LDHD: variants seen among roughly 807,000 people sequenced by gnomAD.
The protein encoded by LDHD is D-lactate dehydrogenase, mitochondrial.
A neutral mutation model predicts 52.9 loss-of-function variants in LDHD; 58 were observed. The ratio of observed to expected loss-of-function variants is 1.10; its 90% confidence interval spans 0.89 to 1.36. LDHD has a LOEUF of 1.36. LDHD is among the 40% of genes most tolerant of loss of function. The pLI is 0.00. For synonymous variants in LDHD, 350 were observed against 288.6 expected, an observed-to-expected ratio of 1.21 and a Z score of -2.16; for missense variants, 747 against 668.0, an observed-to-expected ratio of 1.12 and a Z score of -1.30.
intron 8 of LDHD, among the ~76,000 whole-genome samples, 175 bp downstream of exon 8, chr16:75,113,360 G>C (rs528999717): frequency 6.6e-6 from 1 of 152,224 alleles, no homozygotes; most frequent in Non-Finnish European, 1.5e-5. Flanking sequence ...CCCTGTAGAC[G>C]GTATCTGAAC....
At chr16:75,112,557 C>CT in intron 10 of LDHD, 36 bp from the exon 11 acceptor site, 1 of 1,613,388 alleles carries the variant, frequency 6.2e-7, no homozygotes, top group Non-Finnish European at 8.5e-7. Context: ...AGGGGGCTCC[C>CT]TTTCCTCTGC....
At chr16:75,112,550 G>T (rs745582790) in intron 10 of LDHD, 29 bp from the exon 11 acceptor site, 1 of 1,613,140 alleles carries the variant, frequency 6.2e-7, no homozygotes, top group Non-Finnish European at 8.5e-7. Flanking sequence ...CATCCTCAGG[G>T]GGCTCCCTTT....
At position 75,114,914 on chromosome 16, in the gene LDHD, C is replaced by T; in HGVS notation, c.382G>A (p.Glu128Lys). ...GGCTCCACCACCACAGAGAAGTCCT[C>T]CTGGTTCAGCTCCAGGATTCGGTCC... ...HMDRILELNQ[E>K]DFSVVVEPGV... The change falls in exon 4 of 11, where the codon GAG becomes AAG. Residue 128 changes from glutamate to lysine, a missense_variant. Transcript: ENST00000450168. 6 of 1,614,040 alleles carry T rather than the reference C, an allele frequency of 3.7e-6. No homozygotes were observed. Among genetic ancestry groups the T allele is most frequent in the Non-Finnish European group, 3.4e-6 (4 of 1,180,002 alleles).
At position 75,115,662 on chromosome 16, in the gene LDHD, T is replaced by A; in HGVS notation, c.73-2A>T. On this transcript the variant is annotated splice_acceptor_variant, in intron 1 of 10. Coordinates refer to ENST00000450168, the MANE Select transcript of LDHD (RefSeq NM_194436.3). LOFTEE classifies it high-confidence loss of function. ...TACGAAGTCCCTGCAGAGCTCTCCC[T>A]GCAGGGAAGAAACACACTGCCAGGG... 1 of 1,586,494 alleles carries A rather than the reference T, an allele frequency of 6.3e-7. No homozygotes were observed. The highest frequency in any genetic ancestry group is 8.6e-7 in the Non-Finnish European group (1 of 1,161,468).
chr16:75,115,083 G>A (rs543856251), intron 3 of LDHD, 115 bp from the exon 4 acceptor site: 2 of 1,535,924 alleles, frequency 1.3e-6, no homozygotes, highest in Admixed American at 1.9e-5. Context: ...CCAGAGGCAG[G>A]CAGCCCACGG....
At position 75,112,700 on chromosome 16, in the gene LDHD, C is replaced by A. The variant is rs778232270; in HGVS notation, c.1191G>T (p.Gly397=). 6.2e-7 allele frequency: 1 copy of A among 1,613,900 alleles called. No homozygotes were observed. Among genetic ancestry groups the A allele is most frequent in the Non-Finnish European group, 8.5e-7 (1 of 1,179,874 alleles). Reference sequence around the variant, plus strand: ...AGTGGAAGTTGCCGTCACCCACATGCCCGACAATGCTTCCTGGGGGCCCAG... The same window carrying A: ...AGTGGAAGTTGCCGTCACCCACATGACCGACAATGCTTCCTGGGGGCCCAG... ...NASGLTGSIV[G]HVGDGNFHCI... is the part of the protein sequence containing the mutation. The change falls in exon 10 of 11, where the codon GGG becomes GGT. Residue 397 remains glycine (G), a synonymous_variant. Coordinates refer to ENST00000450168, the MANE Select transcript of LDHD (RefSeq NM_194436.3).
chr16:75,112,481 C>G lies in LDHD; in HGVS notation c.1330G>C (p.Gly444Arg). The change falls in exon 11 of 11, where the codon GGC (glycine) becomes CGC (arginine). Residue 444 changes from glycine to arginine, a missense_variant. Gly to Arg is a moderately radical substitution (Grantham distance 125). Coordinates refer to ENST00000450168, the MANE Select transcript of LDHD (RefSeq NM_194436.3). ...AGCTGCCGCTTGCCCATTCCGATGCCATGCTCCCCCGTGCACGTTCCGTGG... is the reference window on the plus strand; with the variant it reads ...AGCTGCCGCTTGCCCATTCCGATGCGATGCTCCCCCGTGCACGTTCCGTGG... The part of the protein sequence containing the change: ...ALHGTCTGEH[G>R]IGMGKRQLLQ... The G allele has an allele frequency of 6.2e-7, 1 of 1,613,446 alleles. No individual in the cohort carries two copies.
At chr16:75,115,736 A>T in intron 1 of LDHD, 76 bp from the exon 2 acceptor site, 1 of 941,738 alleles carries the variant, frequency 1.1e-6, no homozygotes, top group Non-Finnish European at 1.6e-6. Context: ...TGTCGGGGGG[A>T]GGGCTGGGGG....
intron 8 of LDHD, among the ~76,000 whole-genome samples, chr16:75,113,290 C>A (rs181344101): frequency 6.6e-6 from 1 of 152,222 alleles, no homozygotes; most frequent in East Asian, 1.9e-4. Flanking sequence ...AGCACCGCAC[C>A]GTTCCCATGA....
intron 8 of LDHD, 131 bp from the exon 9 acceptor site, chr16:75,113,055 C>G (rs2036445031): frequency 2.9e-6 from 2 of 684,568 alleles, no homozygotes; most frequent in African/African-American, 3.5e-5. Context: ...TAATCCTGCT[C>G]TTCTCTAGGC....
chr16:75,114,743 G>T, intron 4 of LDHD, 58 bp from the exon 5 acceptor site: 1 of 1,561,398 alleles, frequency 6.4e-7, no homozygotes, highest in African/African-American at 1.4e-5. Context: ...CCCTCGGGCT[G>T]GGGGAGGAAG....
At chr16:75,115,487 C>A in intron 2 of LDHD, 61 bp downstream of exon 2, 1 of 1,570,920 alleles carries the variant, frequency 6.4e-7, no homozygotes, top group Non-Finnish European at 8.7e-7. Context: ...ACCCAGCACC[C>A]TCTCTCTCAG....
At chr16:75,113,206 C>G (rs2036448859) in intron 8 of LDHD, among the ~76,000 whole-genome samples, 1 of 152,196 alleles carries the variant, frequency 6.6e-6, no homozygotes, top group African/African-American at 2.4e-5. Flanking sequence ...CTTCCCTTCC[C>G]CAGGTTAGGC....
In LDHD at chr16:75,112,335, G is replaced by A; in HGVS notation, c.*21C>T. The A allele has an allele frequency of 6.3e-7, 1 of 1,585,676 alleles. No individual in the cohort carries two copies. The highest frequency in any genetic ancestry group is 1.1e-5 in the South Asian group (1 of 89,402). On this transcript the variant is annotated 3_prime_UTR_variant, in exon 11 of 11. Transcript: ENST00000450168. ...CGGCTCCGTAGTCAGGGAACTTGTG[G>A]GCTAAGTGCTCAGACCCCCTTCACA...
chr16:75,112,610 C>G lies in LDHD; in HGVS notation c.1281G>C (p.Gln427His). The stretch of plus-strand genomic sequence containing the variant: ...CCTGGCTTTGCTCCTACCTGCCCAG[C>G]TGTTCTGCAAAAGCCTTGACCCTGC... ...ELGRVKAFAEQLGRRALALHG... is the reference protein window; with the variant it reads ...ELGRVKAFAEHLGRRALALHG... Residue 427 changes from glutamine to histidine, a missense_variant, in exon 10 of 11, where the codon CAG becomes CAC. Physicochemically the swap from Gln to His is conservative, Grantham distance 24. Transcript: ENST00000450168. 6.2e-7 allele frequency: 1 copy of G among 1,614,132 alleles called. No homozygotes were observed. Among genetic ancestry groups the G allele is most frequent in the Non-Finnish European group, 8.5e-7 (1 of 1,180,016 alleles).
intron 1 of LDHD, 95 bp downstream of exon 1, chr16:75,116,553 TG>T: frequency 2.9e-6 from 3 of 1,022,974 alleles, no homozygotes; most frequent in Admixed American, 2.0e-5. Flanking sequence ...CACTTGGTGC[TG>T]GGGCGTCACA....
chr16:75,116,736 A>G lies in LDHD; in HGVS notation c.-16T>C. 2 of 1,561,022 alleles carry G rather than the reference A, an allele frequency of 1.3e-6. No individual in the cohort carries two copies. The highest frequency in any genetic ancestry group is 1.7e-6 in the Non-Finnish European group (2 of 1,155,804). ...GTCGGGCCATAGCCAGGCACTGGCC[A>G]GAGGGTGTGAGCACTGGGTGGCAGG... On this transcript the variant is annotated 5_prime_UTR_variant, in exon 1 of 11. Transcript: ENST00000450168.
At chr16:75,115,408 A>C (rs2036527190) in intron 2 of LDHD, 69 bp from the exon 3 acceptor site, 1 of 1,603,388 alleles carries the variant, frequency 6.2e-7, no homozygotes, top group Non-Finnish European at 8.5e-7. Context: ...GCAGGGCCTG[A>C]GGCTACAGCA....
chr16:75,114,707 G>A (rs1303894409), intron 4 of LDHD, 22 bp from the exon 5 acceptor site: 1 of 1,535,756 alleles, frequency 6.5e-7, no homozygotes, highest in Admixed American at 2.0e-5. Context: ...CGTACAGAAG[G>A]CAGCCTCAGG....
Sources: allele counts gnomAD v4.1 joint callset (sites outside exome capture counted in the v4.1 genomes callset), GRCh38; gene constraint gnomAD v4.1.1; transcripts MANE v1.5; gene names NCBI Gene and HGNC (gene_info 2026-07-23, HGNC 2026-07-21).